The following PLXDC2 variants were observed in gnomAD, a reference collection of about 807,000 sequenced individuals.
The protein encoded by PLXDC2 is plexin domain containing 2.
Under a neutral mutation model 68.9 loss-of-function variants are expected in PLXDC2, and 40 were observed. The observed-to-expected ratio is 0.58, with a 90% CI of 0.45 to 0.76. The LOEUF (loss-of-function observed/expected upper bound fraction) is 0.76, where lower values mean the gene tolerates loss of function less well. PLXDC2 is among the 30% of genes least tolerant of loss of function. PLXDC2 has a pLI of 0.00. For synonymous variants in PLXDC2, 243 were observed against 234.2 expected, an observed-to-expected ratio of 1.04 and a Z score of -0.34; for missense variants, 644 against 661.9, an observed-to-expected ratio of 0.97 and a Z score of 0.30.
intron 13 of PLXDC2, among the ~76,000 whole-genome samples, chr10:20,261,154 ATGT>A (rs1481014487): frequency 1.3e-5 from 2 of 152,120 alleles, no homozygotes; most frequent in East Asian, 3.9e-4. Context: ...CTTCCTCTTC[ATGT>A]TGTTACTTGT....
At chr10:19,957,537 A>G (rs1834091547) in intron 1 of PLXDC2, among the ~76,000 whole-genome samples, 1 of 152,136 alleles carries the variant, frequency 6.6e-6, no homozygotes, top group Non-Finnish European at 1.5e-5. Flanking sequence ...TTCTTCTCAT[A>G]TCAACACATG....
At chr10:20,141,980 A>G (rs1834012866) in intron 4 of PLXDC2, among the ~76,000 whole-genome samples, 1 of 152,036 alleles carries the variant, frequency 6.6e-6, no homozygotes, top group Non-Finnish European at 1.5e-5. Flanking sequence ...GAATAGCTAG[A>G]GTTCAATTAT....
chr10:19,818,683 C>G (rs539983656), intron 1 of PLXDC2, among the ~76,000 whole-genome samples: 252 of 152,276 alleles, frequency 1.7e-3, no homozygotes, highest in African/African-American at 5.9e-3. Flanking sequence ...TGATTTATGA[C>G]AGTAGACTAT....
At chr10:19,932,362 C>A (rs1365581853) in intron 1 of PLXDC2, among the ~76,000 whole-genome samples, 2 of 152,120 alleles carry the variant, frequency 1.3e-5, no homozygotes, top group Non-Finnish European at 2.9e-5. Flanking sequence ...ATCTTCCCTT[C>A]CAGCCTTTCC....
intron 1 of PLXDC2, among the ~76,000 whole-genome samples, chr10:19,819,903 G>C (rs756962732): frequency 1.3e-5 from 2 of 152,078 alleles, no homozygotes; most frequent in Non-Finnish European, 2.9e-5. Context: ...TATAATAGAG[G>C]GGTTAATTCA....
Position 19,986,483 on chromosome 10 carries a change from T to A in PLXDC2, c.113-15292T>A, listed in dbSNP as rs568539251. On this transcript the variant is annotated intron_variant, in intron 1 of 13. Transcript: ENST00000377252. Reference sequence around the variant, plus strand: ...GAAGTATTCGATTGATAAATGGGAATGGAACAAAGCATTCTCTCAGCATTC... The same window carrying A: ...GAAGTATTCGATTGATAAATGGGAAAGGAACAAAGCATTCTCTCAGCATTC... Among the ~76,000 whole-genome samples the A allele has an allele frequency of 3.3e-5, 5 of 149,688 alleles. No individual in the cohort carries two copies. The East Asian group carries it at 9.8e-4, about 29-fold the overall frequency.
chr10:20,055,269 T>G (rs1433065125), intron 3 of PLXDC2, among the ~76,000 whole-genome samples: 3 of 152,128 alleles, frequency 2.0e-5, no homozygotes, highest in Admixed American at 2.0e-4. Context: ...GAGGGTTCTT[T>G]TGTTCCCTTC....
chr10:20,041,334 T>G (rs1835678045), intron 2 of PLXDC2, among the ~76,000 whole-genome samples: 1 of 152,188 alleles, frequency 6.6e-6, no homozygotes, highest in East Asian at 1.9e-4. Flanking sequence ...AACTTTATTC[T>G]CTGAGATTGC....
chr10:20,232,901 A>T (rs1835384241), intron 12 of PLXDC2, among the ~76,000 whole-genome samples: 3 of 152,206 alleles, frequency 2.0e-5, no homozygotes, highest in Admixed American at 2.0e-4. Context: ...TAAAAGTAAA[A>T]AAAGAAGAAA....
intron 7 of PLXDC2, among the ~76,000 whole-genome samples, chr10:20,174,551 C>G (rs964131000): frequency 6.6e-6 from 1 of 152,036 alleles, no homozygotes; most frequent in African/African-American, 2.4e-5. Flanking sequence ...TCGACCCTTT[C>G]TCCACCCCTT....
intron 4 of PLXDC2, among the ~76,000 whole-genome samples, chr10:20,124,668 A>G (rs983756803): frequency 6.7e-6 from 1 of 150,344 alleles, no homozygotes; most frequent in Non-Finnish European, 1.5e-5. Flanking sequence ...GCCGTTTTAT[A>G]GGATTTGGAT....
chr10:20,254,837 G>A (rs1181557441), intron 13 of PLXDC2, among the ~76,000 whole-genome samples: 2 of 152,080 alleles, frequency 1.3e-5, no homozygotes, highest in Non-Finnish European at 2.9e-5. Context: ...TAAGATGCTA[G>A]AATTTTTATT....
chr10:20,163,104 G>C (rs1834328190), intron 6 of PLXDC2, among the ~76,000 whole-genome samples: 1 of 151,918 alleles, frequency 6.6e-6, no homozygotes, highest in Non-Finnish European at 1.5e-5. Flanking sequence ...TATAAATTTT[G>C]ATTTTGTTTT....
At chr10:20,210,572 T>C (rs920848251) in intron 9 of PLXDC2, among the ~76,000 whole-genome samples, 2 of 152,158 alleles carry the variant, frequency 1.3e-5, no homozygotes, top group Non-Finnish European at 2.9e-5. Context: ...AAATTAGATA[T>C]TTTAGACATG....
At chr10:19,906,496 A>T (rs1046560427) in intron 1 of PLXDC2, among the ~76,000 whole-genome samples, 21 of 152,184 alleles carry the variant, frequency 1.4e-4, no homozygotes, top group Non-Finnish European at 2.5e-4. Flanking sequence ...TCTGTGGCAT[A>T]GGGACTGTCC....
chr10:20,264,913 C>T (rs1407850368), intron 13 of PLXDC2, among the ~76,000 whole-genome samples: 4 of 151,982 alleles, frequency 2.6e-5, no homozygotes, highest in Non-Finnish European at 4.4e-5. Flanking sequence ...ATGCTGTGTA[C>T]CTGAGATTAT....
chr10:19,971,536 C>G (rs1264812320), intron 1 of PLXDC2, among the ~76,000 whole-genome samples: 1 of 152,028 alleles, frequency 6.6e-6, no homozygotes, highest in Non-Finnish European at 1.5e-5. Flanking sequence ...AGTAAGAAGG[C>G]TGGATAGGGG....
At chr10:19,832,248 A>C (rs1013796617) in intron 1 of PLXDC2, among the ~76,000 whole-genome samples, 11 of 152,176 alleles carry the variant, frequency 7.2e-5, no homozygotes, top group African/African-American at 2.7e-4. Context: ...CTTAATTTAA[A>C]AATTGTTGAC....
intron 13 of PLXDC2, among the ~76,000 whole-genome samples, chr10:20,267,232 T>A (rs1402874621): frequency 6.6e-6 from 1 of 152,164 alleles, no homozygotes; most frequent in African/African-American, 2.4e-5. Context: ...TTTTAAAAAT[T>A]ATTATGATGT....
Sources: allele counts gnomAD v4.1 joint callset (sites outside exome capture counted in the v4.1 genomes callset), GRCh38; gene constraint gnomAD v4.1.1; transcripts MANE v1.5; gene names NCBI Gene and HGNC (gene_info 2026-07-23, HGNC 2026-07-21).